NSUN3: variants seen among roughly 807,000 people sequenced by gnomAD.
The protein encoded by NSUN3 is NOP2/Sun RNA methyltransferase 3, also known as tRNA (cytosine(34)-C(5))-methyltransferase, mitochondrial.
A neutral mutation model predicts 36.8 loss-of-function variants in NSUN3; 24 were observed. The observed-to-expected ratio is 0.65, with a 90% CI of 0.47 to 0.92. The LOEUF is 0.92. Ranked by LOEUF, NSUN3 falls within the 40% of genes least tolerant of loss-of-function variation. The pLI, the probability that NSUN3 is intolerant of heterozygous loss-of-function variation, is 0.00. For synonymous variants in NSUN3, 146 were observed against 145.2 expected (o/e 1.01, Z -0.04); for missense variants, 381 against 392.8 (o/e 0.97, Z 0.25).
Position 94,094,205 on chromosome 3 carries a change from T to G in NSUN3, c.532T>G (p.Phe178Val). 6.2e-7 allele frequency: 1 copy of G among 1,613,722 alleles called. No homozygotes were observed. Among genetic ancestry groups the G allele is most frequent in the Non-Finnish European group, 8.5e-7 (1 of 1,179,712 alleles). The part of the protein sequence containing the change: ...LRWLRQTLES[F>V]IPQPLINVIK... ...GTGGCTAAGGCAGACGTTGGAATCT[T>G]TCATCCCACAGCCTTTGATAAATGT... is the stretch of plus-strand genomic sequence containing the variant. Residue 178 changes from phenylalanine to valine, a missense_variant, in exon 4 of 6, where the codon TTC becomes GTC. Phe to Val is a conservative substitution (Grantham distance 50). Transcript: ENST00000314622.
intron 2 of NSUN3, among the ~76,000 whole-genome samples, chr3:94,077,685 G>A (rs1274759469): frequency 2.0e-5 from 3 of 152,136 alleles, no homozygotes; most frequent in Non-Finnish European, 2.9e-5. Context: ...ATGTGTCCAG[G>A]AATTTATTCA....
At chr3:94,105,506 G>A (rs1188430669) in intron 5 of NSUN3, among the ~76,000 whole-genome samples, 1 of 151,998 alleles carries the variant, frequency 6.6e-6, no homozygotes, top group Non-Finnish European at 1.5e-5. Flanking sequence ...ACTTCTTTAG[G>A]AAAAGATGGT....
intron 5 of NSUN3, among the ~76,000 whole-genome samples, chr3:94,111,055 C>G (rs1461463039): frequency 6.6e-6 from 1 of 152,158 alleles, no homozygotes; most frequent in Admixed American, 6.6e-5. Context: ...CCTACTACTA[C>G]ACACCTAGGC....
At chr3:94,080,782 C>T (rs1346731715) in intron 2 of NSUN3, among the ~76,000 whole-genome samples, 1 of 152,192 alleles carries the variant, frequency 6.6e-6, no homozygotes, top group East Asian at 1.9e-4. Context: ...CCAGGTTGAT[C>T]TGAGACTGCT....
In NSUN3 at chr3:94,130,846, G is replaced by A. The variant is rs2077506363; in HGVS notation, c.*4356G>A. Reference sequence around the variant, plus strand: ...TGTTTGACCTTTTTTAACCTTTCCTGGTCAGGTGCCAGGCCAGTCCTGCAA... The same window carrying A: ...TGTTTGACCTTTTTTAACCTTTCCTAGTCAGGTGCCAGGCCAGTCCTGCAA... On this transcript the variant is annotated 3_prime_UTR_variant, in exon 6 of 6. Coordinates refer to ENST00000314622, the MANE Select transcript of NSUN3 (RefSeq NM_022072.5). 6.6e-6 allele frequency among the ~76,000 whole-genome samples: 1 copy of A among 152,048 alleles called. No individual in the cohort carries two copies.
chr3:94,067,341 A>G (rs981232460), intron 2 of NSUN3, among the ~76,000 whole-genome samples: 2 of 152,122 alleles, frequency 1.3e-5, no homozygotes, highest in African/African-American at 4.8e-5. Context: ...ATTGTTTTTA[A>G]TCTGTATGCT....
intron 2 of NSUN3, among the ~76,000 whole-genome samples, chr3:94,067,461 T>C (rs2077209446): frequency 6.6e-6 from 1 of 152,200 alleles, no homozygotes; most frequent in African/African-American, 2.4e-5. Context: ...ATCCCTGAAC[T>C]TGTAATTGGT....
intron 2 of NSUN3, among the ~76,000 whole-genome samples, chr3:94,067,038 C>T (rs2077206479): frequency 6.6e-6 from 1 of 152,154 alleles, no homozygotes; most frequent in African/African-American, 2.4e-5. Flanking sequence ...ACCTGATAAT[C>T]TAACGATGTG....
chr3:94,102,007 G>T (rs556368024), intron 5 of NSUN3, among the ~76,000 whole-genome samples: 4 of 152,026 alleles, frequency 2.6e-5, no homozygotes, highest in South Asian at 2.1e-4. Context: ...AGGAGAAAAT[G>T]AATCACATTT....
At chr3:94,111,567 C>G (rs1027635559) in intron 5 of NSUN3, among the ~76,000 whole-genome samples, 3 of 151,474 alleles carry the variant, frequency 2.0e-5, no homozygotes, top group Non-Finnish European at 2.9e-5. Context: ...AAGTTTTTTT[C>G]TATTTTTAAA....
intron 2 of NSUN3, among the ~76,000 whole-genome samples, chr3:94,080,861 G>A (rs2077265716): frequency 6.6e-6 from 1 of 152,180 alleles, no homozygotes; most frequent in Non-Finnish European, 1.5e-5. Context: ...GGTGGGACCT[G>A]CTGAGCAAGA....
intron 5 of NSUN3, among the ~76,000 whole-genome samples, chr3:94,116,013 T>G (rs1001834721): frequency 3.3e-5 from 5 of 152,232 alleles, no homozygotes; most frequent in Admixed American, 2.0e-4. Context: ...TTTTAGGTTT[T>G]GTTTTGTTTT....
At chr3:94,115,861 A>G (rs942743369) in intron 5 of NSUN3, among the ~76,000 whole-genome samples, 39 of 152,220 alleles carry the variant, frequency 2.6e-4, no homozygotes, top group African/African-American at 9.2e-4. Flanking sequence ...TTTAATAGCT[A>G]TTTATAAAAA....
chr3:94,081,576 T>C (rs1415628614), intron 2 of NSUN3: 1 of 152,230 alleles, frequency 6.6e-6, no homozygotes, highest in African/African-American at 2.4e-5. Flanking sequence ...ATTGGCTTTG[T>C]CCTGAAACTT....
At chr3:94,071,139 A>G (rs2077223570) in intron 2 of NSUN3, among the ~76,000 whole-genome samples, 1 of 152,178 alleles carries the variant, frequency 6.6e-6, no homozygotes, top group Admixed American at 6.5e-5. Context: ...ACAAAAGCTC[A>G]TTTCATTAAG....
chr3:94,076,533 C>CA, intron 2 of NSUN3: 2 of 797,314 alleles, frequency 2.5e-6, no homozygotes, highest in Non-Finnish European at 4.6e-6. Context: ...GCATCCACCA[C>CA]ATTTCCCTCC....
intron 5 of NSUN3, among the ~76,000 whole-genome samples, chr3:94,098,510 G>T (rs2077352533): frequency 6.6e-6 from 1 of 152,030 alleles, no homozygotes; most frequent in Non-Finnish European, 1.5e-5. Flanking sequence ...TTAATTTGGG[G>T]ATTTTCCAGT....
intron 5 of NSUN3, among the ~76,000 whole-genome samples, chr3:94,116,557 A>AT (rs2077440995): frequency 6.6e-6 from 1 of 152,174 alleles, no homozygotes. Context: ...AAAAGTTAAC[A>AT]TTTAAATGAT....
chr3:94,088,074 G>T (rs889300008), intron 3 of NSUN3, among the ~76,000 whole-genome samples: 8 of 152,108 alleles, frequency 5.3e-5, no homozygotes, highest in African/African-American at 1.7e-4. Context: ...AGTCCTTTTT[G>T]CACATTCTAC....
Sources: gnomAD v4.1 joint callset for allele counts (sites outside exome capture counted in the v4.1 genomes callset) on GRCh38, gnomAD v4.1.1 for gene constraint, MANE v1.5 for transcripts, NCBI Gene and HGNC (gene_info 2026-07-23, HGNC 2026-07-21) for gene names.